Variants in MSRB3 observed in about 807,000 individuals in gnomAD.
MSRB3 encodes methionine sulfoxide reductase B3.
MSRB3 carries 13 observed loss-of-function variants against 21.0 expected under a neutral mutation model. The observed-to-expected ratio is 0.62, with a 90% CI of 0.40 to 0.98. MSRB3 has a LOEUF of 0.98. Ranked by LOEUF, MSRB3 falls within the 50% of genes least tolerant of loss-of-function variation. The pLI is 0.00. For synonymous variants in MSRB3, 87 were observed against 88.6 expected, an observed-to-expected ratio of 0.98 and a Z score of 0.10; for missense variants, 199 against 230.3, an observed-to-expected ratio of 0.86 and a Z score of 0.88.
intron 4 of MSRB3, among the ~76,000 whole-genome samples, chr12:65,351,013 T>C (rs1393428196): frequency 1.3e-5 from 2 of 151,330 alleles, no homozygotes; most frequent in Non-Finnish European, 2.9e-5. Context: ...ATATACATTT[T>C]TTTCAGCACC....
intron 4 of MSRB3, among the ~76,000 whole-genome samples, chr12:65,365,388 C>T (rs746562849): frequency 6.6e-6 from 1 of 152,212 alleles, no homozygotes; most frequent in South Asian, 2.1e-4. Context: ...GGGATGCTGA[C>T]ATGATTCACG....
At chr12:65,298,698 T>G (rs1873132934) in intron 1 of MSRB3, among the ~76,000 whole-genome samples, 1 of 152,136 alleles carries the variant, frequency 6.6e-6, no homozygotes, top group Non-Finnish European at 1.5e-5. Context: ...TAATTTTCTA[T>G]TTTCTATGGG....
At chr12:65,351,573 A>G (rs892065175) in intron 4 of MSRB3, among the ~76,000 whole-genome samples, 4 of 149,980 alleles carry the variant, frequency 2.7e-5, no homozygotes, top group South Asian at 2.1e-4. Flanking sequence ...TAGCAAGACT[A>G]ATAAAGAAAA....
intron 5 of MSRB3, among the ~76,000 whole-genome samples, chr12:65,443,061 C>T (rs1205452828): frequency 6.6e-6 from 1 of 152,016 alleles, no homozygotes; most frequent in East Asian, 1.9e-4. Flanking sequence ...TCAATTCCTG[C>T]TTAGGAGTTG....
At chr12:65,386,397 G>A (rs1268807315) in intron 5 of MSRB3, among the ~76,000 whole-genome samples, 1 of 151,844 alleles carries the variant, frequency 6.6e-6, no homozygotes, top group East Asian at 1.9e-4. Context: ...GGATCTTTAT[G>A]TTGCTTCCAT....
Position 65,353,225 on chromosome 12 carries a change from C to T in MSRB3, c.264-15773C>T, listed in dbSNP as rs137981457. On this transcript the variant is annotated intron_variant, in intron 4 of 6. Coordinates refer to ENST00000308259, the MANE Select transcript of MSRB3 (RefSeq NM_001031679.3). Reference sequence around the variant, plus strand: ...TGTTGATTTGGGGTGGAAAGTTCTGCAGATGTCCATTAGGTCCACCTGTTG... The same window carrying T: ...TGTTGATTTGGGGTGGAAAGTTCTGTAGATGTCCATTAGGTCCACCTGTTG... Among the ~76,000 whole-genome samples, 489 of 152,084 alleles carry T rather than the reference C, an allele frequency of 3.2e-3. 3 individuals are homozygous for T. The highest frequency in any genetic ancestry group is 5.2e-3 in the Non-Finnish European group (354 of 67,944).
chr12:65,338,635 C>T (rs1875941733), intron 4 of MSRB3, among the ~76,000 whole-genome samples: 1 of 152,138 alleles, frequency 6.6e-6, no homozygotes, highest in Non-Finnish European at 1.5e-5. Context: ...TTTTTATTAT[C>T]AAATATAAGA....
chr12:65,351,163 C>G (rs1041291793), intron 4 of MSRB3, among the ~76,000 whole-genome samples: 1 of 150,838 alleles, frequency 6.6e-6, no homozygotes, highest in African/African-American at 2.4e-5. Context: ...GAATCTCACT[C>G]AAAACCACTC....
intron 4 of MSRB3, among the ~76,000 whole-genome samples, chr12:65,349,598 A>C (rs1876793074): frequency 1.4e-5 from 2 of 147,298 alleles, no homozygotes; most frequent in African/African-American, 5.4e-5. Context: ...AATGATTGCC[A>C]TTCTAACTGG....
intron 2 of MSRB3, 95 bp downstream of exon 2, chr12:65,308,750 C>T (rs972569410): frequency 6.4e-6 from 10 of 1,570,836 alleles, no homozygotes; most frequent in Non-Finnish European, 8.7e-6. Context: ...TGCTAAATTT[C>T]ATTTTCTTTT....
At chr12:65,400,526 G>T (rs564136465) in intron 5 of MSRB3, among the ~76,000 whole-genome samples, 1 of 152,060 alleles carries the variant, frequency 6.6e-6, no homozygotes, top group East Asian at 1.9e-4. Flanking sequence ...CAGGCTAGTG[G>T]TCTATCTATT....
intron 5 of MSRB3, among the ~76,000 whole-genome samples, chr12:65,414,115 C>G (rs555105123): frequency 6.6e-6 from 1 of 152,210 alleles, no homozygotes; most frequent in South Asian, 2.1e-4. Context: ...GGATTTTACT[C>G]TGAGTAAAAC....
intron 4 of MSRB3, among the ~76,000 whole-genome samples, chr12:65,358,085 GTCTCTTTT>G (rs1449434006): frequency 1.3e-5 from 2 of 151,714 alleles, no homozygotes; most frequent in African/African-American, 4.8e-5. Flanking sequence ...AGCGAGAGAA[GTCTCTTTT>G]TCTCTTTTAT....
Position 65,464,352 on chromosome 12 carries a change from TCA to T in MSRB3, c.*1031_*1032del, listed in dbSNP as rs1883474517. 6.6e-6 allele frequency: 1 copy of T among 152,408 alleles called. No homozygotes were observed. Among genetic ancestry groups the T allele is most frequent in the Non-Finnish European group, 1.5e-5 (1 of 68,234 alleles). The allele number at this position is 152,408 out of a possible 1,614,324, so 9.4% of individuals were successfully genotyped here. On this transcript the variant is annotated 3_prime_UTR_variant, in exon 7 of 7. Transcript: ENST00000308259. ...ATGTAGTCCCAGCTACTCCTGAGGCTCAGTCAGGAGAATCGCTTGAACTTGGG... is the reference window on the plus strand; with the variant it reads ...ATGTAGTCCCAGCTACTCCTGAGGCTGTCAGGAGAATCGCTTGAACTTGGG...
At chr12:65,374,344 A>G (rs1878483880) in intron 5 of MSRB3, among the ~76,000 whole-genome samples, 1 of 152,218 alleles carries the variant, frequency 6.6e-6, no homozygotes, top group Non-Finnish European at 1.5e-5. Context: ...TGGGCATACC[A>G]TATGCCAGAT....
chr12:65,358,072 A>G (rs1192440948), intron 4 of MSRB3, among the ~76,000 whole-genome samples: 1 of 151,884 alleles, frequency 6.6e-6, no homozygotes, highest in East Asian at 1.9e-4. Flanking sequence ...GAATTCCTCT[A>G]CAAGCGAGAG....
intron 4 of MSRB3, among the ~76,000 whole-genome samples, chr12:65,352,989 A>G (rs955032389): frequency 2.6e-5 from 4 of 152,138 alleles, no homozygotes; most frequent in African/African-American, 9.7e-5. Context: ...GGAACCAAAA[A>G]AAAAGCCCGC....
intron 5 of MSRB3, among the ~76,000 whole-genome samples, chr12:65,378,837 A>T (rs975178935): frequency 3.3e-5 from 5 of 152,240 alleles, no homozygotes. Flanking sequence ...TTACATCTGC[A>T]TGATCAGTGT....
intron 5 of MSRB3, among the ~76,000 whole-genome samples, chr12:65,378,270 C>T (rs1249394841): frequency 6.6e-6 from 1 of 151,968 alleles, no homozygotes; most frequent in Non-Finnish European, 1.5e-5. Flanking sequence ...AAGGATCATA[C>T]AAAAATAGAA....
Sources: allele counts gnomAD v4.1 joint callset (sites outside exome capture counted in the v4.1 genomes callset), GRCh38; gene constraint gnomAD v4.1.1; transcripts MANE v1.5; gene names NCBI Gene and HGNC (gene_info 2026-07-23, HGNC 2026-07-21).